Variants in CHN2 observed in about 807,000 individuals in gnomAD.
CHN2 encodes chimerin 2.
CHN2 carries 35 observed loss-of-function variants against 56.3 expected under a neutral mutation model. The observed-to-expected ratio is 0.62, with a 90% CI of 0.47 to 0.82. The LOEUF is 0.82. CHN2 is among the 40% of genes least tolerant of loss of function. The pLI, the probability that CHN2 is intolerant of heterozygous loss-of-function variation, is 0.00. For missense variants in CHN2, 491 were observed against 580.5 expected, an observed-to-expected ratio of 0.85 and a Z score of 1.58; for synonymous variants, 210 against 212.8, an observed-to-expected ratio of 0.99 and a Z score of 0.12.
chr7:29,185,988 T>C (rs1322487461), intron 2 of CHN2, among the ~76,000 whole-genome samples: 1 of 152,170 alleles, frequency 6.6e-6, no homozygotes, highest in African/African-American at 2.4e-5. Context: ...CCAGAGGTGA[T>C]CAAATTATGG....
chr7:29,343,032 A>C (rs1369067622), intron 1 of CHN2, among the ~76,000 whole-genome samples: 1 of 152,252 alleles, frequency 6.6e-6, no homozygotes, highest in Non-Finnish European at 1.5e-5. Context: ...TGAATACCCA[A>C]AAGGGCTTCT....
intron 1 of CHN2, among the ~76,000 whole-genome samples, chr7:29,270,883 T>C (rs1183224476): frequency 6.6e-6 from 1 of 151,850 alleles, no homozygotes; most frequent in Non-Finnish European, 1.5e-5. Flanking sequence ...CTGATAGGAA[T>C]AGTGATTTTG....
chr7:29,251,209 T>C (rs1215171205), intron 1 of CHN2, among the ~76,000 whole-genome samples: 1 of 152,172 alleles, frequency 6.6e-6, no homozygotes, highest in East Asian at 1.9e-4. Context: ...TTCCAGCCCT[T>C]TGAGGGGCCA....
chr7:29,189,048 T>C (rs2128751960), intron 2 of CHN2, among the ~76,000 whole-genome samples: 1 of 151,798 alleles, frequency 6.6e-6, no homozygotes, highest in South Asian at 2.1e-4. Flanking sequence ...CCTCCTGGGT[T>C]CAAGCAATTC....
At chr7:29,318,605 C>A (rs962844494) in intron 1 of CHN2, among the ~76,000 whole-genome samples, 1 of 152,116 alleles carries the variant, frequency 6.6e-6, no homozygotes, top group Admixed American at 6.5e-5. Context: ...TCAGGTAGCT[C>A]CCTGAGCCAG....
chr7:29,232,225 T>C (rs932838966), intron 1 of CHN2, among the ~76,000 whole-genome samples: 1 of 152,216 alleles, frequency 6.6e-6, no homozygotes, highest in Non-Finnish European at 1.5e-5. Flanking sequence ...TTTTTTTTTA[T>C]AGTCAGAATT....
Position 29,398,437 on chromosome 7 carries a change from A to C in CHN2, c.241A>C (p.Ile81Leu). 6.2e-7 allele frequency: 1 copy of C among 1,613,704 alleles called. No individual in the cohort carries two copies. The change falls in exon 5 of 13, where the codon ATC (isoleucine) becomes CTC (leucine). Residue 81 changes from isoleucine (I) to leucine (L), a missense_variant. Ile to Leu is a conservative substitution (Grantham distance 5, BLOSUM62 2). Coordinates refer to ENST00000222792, the MANE Select transcript of CHN2 (RefSeq NM_004067.4). ...ELLGGVEGAY[I>L]LRESQRQPGC... ...TCTTGGAGGCGTGGAGGGTGCCTAC[A>C]TCCTTAGAGAAAGCCAGCGGCAACC...
At chr7:29,214,364 G>A (rs1441465899) in intron 1 of CHN2, among the ~76,000 whole-genome samples, 2 of 152,026 alleles carry the variant, frequency 1.3e-5, no homozygotes, top group East Asian at 3.9e-4. Flanking sequence ...TAGTCCTCTG[G>A]CCCGTCATTC....
chr7:29,455,244 A>G (rs894109435), intron 6 of CHN2, among the ~76,000 whole-genome samples: 8 of 152,212 alleles, frequency 5.3e-5, no homozygotes, highest in Admixed American at 2.6e-4. Context: ...GACTGTCCTC[A>G]TGGTGTTCCA....
chr7:29,389,374 A>G (rs1801182729), intron 3 of CHN2, among the ~76,000 whole-genome samples: 1 of 152,216 alleles, frequency 6.6e-6, no homozygotes, highest in Non-Finnish European at 1.5e-5. Flanking sequence ...CAAAAAAGTA[A>G]ATGTATGTAT....
intron 6 of CHN2, chr7:29,479,756 C>T (rs1786928487): frequency 1.7e-6 from 2 of 1,163,540 alleles, no homozygotes; most frequent in East Asian, 1.1e-4. Flanking sequence ...AGAGACCTCT[C>T]CTTTGCAATG....
chr7:29,273,365 A>ATGTG (rs1414792338), intron 1 of CHN2, among the ~76,000 whole-genome samples: 4 of 52,154 alleles, frequency 7.7e-5, no homozygotes, highest in Non-Finnish European at 1.4e-4. Flanking sequence ...ATATATATAT[A>ATGTG]TATATATATA....
At chr7:29,150,394 T>C (rs1015071325) in intron 2 of CHN2, among the ~76,000 whole-genome samples, 3 of 152,232 alleles carry the variant, frequency 2.0e-5, no homozygotes, top group African/African-American at 7.2e-5. Context: ...ATGGTGATCA[T>C]GACAATCAAG....
chr7:29,313,075 C>T (rs1222680104), intron 1 of CHN2, among the ~76,000 whole-genome samples: 3 of 152,042 alleles, frequency 2.0e-5, no homozygotes, highest in Admixed American at 6.6e-5. Context: ...TCTTTTTTAT[C>T]GGACTCTCTT....
At chr7:29,252,253 A>G (rs1278359980) in intron 1 of CHN2, among the ~76,000 whole-genome samples, 2 of 136,804 alleles carry the variant, frequency 1.5e-5, no homozygotes, top group African/African-American at 2.8e-5. Context: ...CAGTGGTGCC[A>G]TCTCAGCTCA....
intron 1 of CHN2, among the ~76,000 whole-genome samples, chr7:29,318,966 A>C (rs1305623076): frequency 6.6e-6 from 1 of 152,204 alleles, no homozygotes; most frequent in Non-Finnish European, 1.5e-5. Context: ...AGTTTCCTTA[A>C]TACAAGCCCC....
chr7:29,302,463 A>T (rs968051340), intron 1 of CHN2, among the ~76,000 whole-genome samples: 2 of 150,700 alleles, frequency 1.3e-5, no homozygotes, highest in African/African-American at 4.9e-5. Context: ...AGCTAGGAGT[A>T]CAGGCATGTG....
intron 1 of CHN2, among the ~76,000 whole-genome samples, chr7:29,251,502 C>G (rs749429517): frequency 1.3e-5 from 2 of 152,066 alleles, no homozygotes; most frequent in Non-Finnish European, 2.9e-5. Flanking sequence ...AAATACCTGC[C>G]TTCTAATAAG....
At chr7:29,369,610 G>C (rs1301517702) in intron 3 of CHN2, among the ~76,000 whole-genome samples, 1 of 152,170 alleles carries the variant, frequency 6.6e-6, no homozygotes, top group Non-Finnish European at 1.5e-5. Context: ...GAGAGAGATA[G>C]AGAGAAAAAA....
Sources: gnomAD v4.1 joint callset for allele counts (sites outside exome capture counted in the v4.1 genomes callset) on GRCh38, gnomAD v4.1.1 for gene constraint, MANE v1.5 for transcripts, NCBI Gene and HGNC (gene_info 2026-07-23, HGNC 2026-07-21) for gene names.